The following AK5 variants were observed in gnomAD, a reference collection of about 807,000 sequenced individuals.
The protein encoded by AK5 is adenylate kinase isoenzyme 5.
AK5 carries 27 observed loss-of-function variants against 69.5 expected under a neutral mutation model. The ratio of observed to expected loss-of-function variants is 0.39; its 90% CI spans 0.29 to 0.54. The LOEUF (loss-of-function observed/expected upper bound fraction) is 0.54. AK5 is among the 20% of genes least tolerant of loss of function. AK5 has a pLI of 0.71. For synonymous variants in AK5, 260 were observed against 244.4 expected (o/e 1.06, Z -0.60); for missense variants, 531 against 700.4 (o/e 0.76, Z 2.73).
chr1:77,479,281 T>C (rs1655124316), intron 8 of AK5, among the ~76,000 whole-genome samples: 1 of 141,848 alleles, frequency 7.0e-6, no homozygotes, highest in African/African-American at 2.6e-5. Flanking sequence ...CTCAGCTCAC[T>C]GCAACCTCCG....
chr1:77,411,780 A>G (rs1391426232), intron 7 of AK5, among the ~76,000 whole-genome samples: 1 of 152,184 alleles, frequency 6.6e-6, no homozygotes, highest in African/African-American at 2.4e-5. Context: ...CACAAAGAAA[A>G]AAGGCTAAAC....
intron 8 of AK5, among the ~76,000 whole-genome samples, chr1:77,473,370 A>C (rs886971320): frequency 6.6e-6 from 1 of 152,028 alleles, no homozygotes; most frequent in Non-Finnish European, 1.5e-5. Flanking sequence ...GGCATGAGAC[A>C]CCATGCCCAG....
chr1:77,477,029 T>C (rs796399942), intron 8 of AK5, among the ~76,000 whole-genome samples: 9 of 150,374 alleles, frequency 6.0e-5, no homozygotes, highest in East Asian at 3.9e-4. Flanking sequence ...TGTGTGTGTG[T>C]GCGTGTGTGT....
At chr1:77,344,672 T>C (rs1179187566) in intron 6 of AK5, among the ~76,000 whole-genome samples, 1 of 152,196 alleles carries the variant, frequency 6.6e-6, no homozygotes, top group Non-Finnish European at 1.5e-5. Context: ...TTTTTAATCT[T>C]TCTTGTAAAA....
At chr1:77,542,852 T>C (rs991844266) in intron 13 of AK5, among the ~76,000 whole-genome samples, 3 of 152,154 alleles carry the variant, frequency 2.0e-5, no homozygotes, top group Non-Finnish European at 2.9e-5. Flanking sequence ...AGGCCATAGA[T>C]GAAGAGGGCC....
At chr1:77,442,208 G>T (rs887431240) in intron 8 of AK5, among the ~76,000 whole-genome samples, 1 of 152,164 alleles carries the variant, frequency 6.6e-6, no homozygotes, top group Non-Finnish European at 1.5e-5. Context: ...GGGCAGGGAT[G>T]ATTCAAAAGC....
At chr1:77,290,473 C>T (rs1658624725) in intron 2 of AK5, among the ~76,000 whole-genome samples, 1 of 152,114 alleles carries the variant, frequency 6.6e-6, no homozygotes. Context: ...AAGTTACTTT[C>T]CTAAGTTAAA....
chr1:77,287,291 T>C (rs4033036), intron 2 of AK5, among the ~76,000 whole-genome samples, 164 bp downstream of exon 2: 15,124 of 152,258 alleles, frequency 0.099, 927 homozygotes, highest in East Asian at 0.2. Context: ...ATCACTTCCA[T>C]AAAAAGACAA....
At chr1:77,390,581 A>AT in intron 6 of AK5, among the ~76,000 whole-genome samples, 1 of 152,344 alleles carries the variant, frequency 6.6e-6, no homozygotes, top group Non-Finnish European at 1.5e-5. Context: ...AATGAAAAAA[A>AT]GGCAATAGGA....
chr1:77,534,179 C>G (rs1172525538), intron 12 of AK5, among the ~76,000 whole-genome samples: 1 of 152,132 alleles, frequency 6.6e-6, no homozygotes, highest in African/African-American at 2.4e-5. Context: ...TCATCCCACC[C>G]CACACACTTT....
At chr1:77,443,250 G>T (rs1447641478) in intron 8 of AK5, among the ~76,000 whole-genome samples, 1 of 152,188 alleles carries the variant, frequency 6.6e-6, no homozygotes, top group East Asian at 1.9e-4. Flanking sequence ...TTTCTGGTCT[G>T]GGGTGCTCAA....
At chr1:77,557,887 A>G (rs1660202243) in intron 13 of AK5, among the ~76,000 whole-genome samples, 1 of 151,452 alleles carries the variant, frequency 6.6e-6, no homozygotes, top group Admixed American at 6.6e-5. Flanking sequence ...TGCTCTACCT[A>G]CTCATCCCAC....
At chr1:77,298,759 C>G (rs539558978) in intron 5 of AK5, among the ~76,000 whole-genome samples, 188 of 152,104 alleles carry the variant, frequency 1.2e-3, no homozygotes, top group Non-Finnish European at 1.9e-3. Context: ...TCACCTGAGC[C>G]CAGGACATCA....
intron 8 of AK5, among the ~76,000 whole-genome samples, chr1:77,477,003 A>T (rs1308312728): frequency 2.7e-5 from 4 of 147,000 alleles, no homozygotes; most frequent in East Asian, 2.0e-4. Context: ...TGTTCTTTTT[A>T]GTGTGTGTGT....
intron 6 of AK5, among the ~76,000 whole-genome samples, chr1:77,372,091 T>C (rs940917009): frequency 2.0e-5 from 3 of 152,184 alleles, no homozygotes; most frequent in Non-Finnish European, 2.9e-5. Context: ...TTATCTTTGA[T>C]AAACCACTTC....
chr1:77,427,235 A>G (rs1032849511), intron 8 of AK5, among the ~76,000 whole-genome samples: 2 of 152,118 alleles, frequency 1.3e-5, no homozygotes, highest in African/African-American at 4.8e-5. Context: ...GAAAAGATCC[A>G]TAAAATCAAT....
chr1:77,486,434 A>T lies in AK5; in HGVS notation c.1147+82A>T, dbSNP rs142018718. 19 of 1,025,774 alleles carry T rather than the reference A, an allele frequency of 1.9e-5. 1 individual carries two copies. The South Asian group carries it at 2.6e-4, about 14-fold the overall frequency. 63.5% of individuals were successfully genotyped at this position (1,025,774 alleles called of 1,614,324 possible). On this transcript the variant is annotated intron_variant, in intron 10 of 13. Transcript: ENST00000354567. ...TAGTGGGCCAGGTGCGGTGGCTTAC[A>T]CCTGTAATCCCAGCACTGTGGGAGG...
chr1:77,558,654 T>C lies in AK5; in HGVS notation c.1673T>C (p.Ile558Thr). 6.5e-7 allele frequency: 1 copy of C among 1,532,498 alleles called. No homozygotes were observed. 94.9% of individuals were successfully genotyped at this position (1,532,498 alleles called of 1,614,324 possible). Residue 558 changes from isoleucine to threonine, a missense_variant, in exon 14 of 14, where the codon ATT becomes ACT. Coordinates refer to ENST00000354567, the MANE Select transcript of AK5 (RefSeq NM_174858.3). ...GTTTTTCTTCAACTCTGCACAGCTA[T>C]TGACTCTATTTTCTGAAGGCAAAAA... The part of the protein sequence containing the change: ...EDVFLQLCTA[I>T]DSIF
intron 6 of AK5, among the ~76,000 whole-genome samples, chr1:77,399,688 A>G (rs751950656): frequency 2.6e-5 from 4 of 152,114 alleles, no homozygotes; most frequent in Non-Finnish European, 4.4e-5. Context: ...AGGCTCTTGG[A>G]AGGAGGCTAG....
Sources: gnomAD v4.1 joint callset for allele counts (sites outside exome capture counted in the v4.1 genomes callset) on GRCh38, gnomAD v4.1.1 for gene constraint, MANE v1.5 for transcripts, NCBI Gene and HGNC (gene_info 2026-07-23, HGNC 2026-07-21) for gene names.